The following FSTL4 variants were observed in gnomAD, a reference collection of about 807,000 sequenced individuals.
FSTL4 encodes the protein follistatin like 4, also known as follistatin-related protein 4.
Under a neutral mutation model 78.2 loss-of-function variants are expected in FSTL4, and 28 were observed. That is an observed-to-expected ratio of 0.36 (90% CI 0.27 to 0.49). The LOEUF (loss-of-function observed/expected upper bound fraction) is 0.49. Ranked by LOEUF, FSTL4 falls within the 20% of genes least tolerant of loss-of-function variation. The probability of loss-of-function intolerance (pLI) is 0.98; values close to 1 mark genes in which losing one functional copy is unlikely to be tolerated. For missense variants in FSTL4, 922 were observed against 1,084.9 expected (o/e 0.85, Z 2.11); for synonymous variants, 422 against 440.5 (o/e 0.96, Z 0.53).
the FSTL4 span, among the ~76,000 whole-genome samples, chr5:133,631,025 AC>A: frequency 6.6e-6 from 1 of 152,150 alleles, no homozygotes; most frequent in Admixed American, 6.6e-5. Flanking sequence ...TAAACGTAAA[AC>A]CTAAAACCAT....
At chr5:133,715,761 C>A in the FSTL4 span, among the ~76,000 whole-genome samples, 1 of 152,168 alleles carries the variant, frequency 6.6e-6, no homozygotes, top group Non-Finnish European at 1.5e-5. Context: ...TACTTCACAT[C>A]GTGGAATGCC....
At chr5:133,801,383 A>G in the FSTL4 span, among the ~76,000 whole-genome samples, 4 of 152,292 alleles carry the variant, frequency 2.6e-5, 1 homozygote, top group African/African-American at 7.2e-5. Context: ...CCAGGCCACA[A>G]GCCTTGCCAT....
At chr5:133,410,785 C>G (rs557840116) in intron 3 of FSTL4, among the ~76,000 whole-genome samples, 1 of 152,206 alleles carries the variant, frequency 6.6e-6, no homozygotes, top group African/African-American at 2.4e-5. Context: ...ATTTTCTAAT[C>G]AGGAGCATTT....
intron 4 of FSTL4, among the ~76,000 whole-genome samples, chr5:133,393,899 C>T (rs911980771): frequency 4.6e-5 from 7 of 152,276 alleles, no homozygotes; most frequent in Non-Finnish European, 1.0e-4. Context: ...CAGTGGCACA[C>T]GAGGCCCTTT....
At chr5:133,675,731 C>A in the FSTL4 span, among the ~76,000 whole-genome samples, 1 of 152,256 alleles carries the variant, frequency 6.6e-6, no homozygotes, top group Admixed American at 6.5e-5. Flanking sequence ...TTGTGACCAC[C>A]CTAAATTGAC....
chr5:133,596,179 AG>A (rs1760733830), intron 2 of FSTL4, among the ~76,000 whole-genome samples: 1 of 152,172 alleles, frequency 6.6e-6, no homozygotes, highest in Non-Finnish European at 1.5e-5. Context: ...CCAGCCAAGC[AG>A]GCCACCAGAA....
At chr5:133,773,782 C>G in the FSTL4 span, among the ~76,000 whole-genome samples, 1 of 152,060 alleles carries the variant, frequency 6.6e-6, no homozygotes, top group East Asian at 1.9e-4. Context: ...CACTTTTCTC[C>G]TGACTTTTAA....
intron 3 of FSTL4, among the ~76,000 whole-genome samples, chr5:133,498,718 CAA>C (rs112128780): frequency 1.2e-4 from 15 of 126,874 alleles, no homozygotes; most frequent in Non-Finnish European, 1.4e-4. Context: ...ACTCAGTCTC[CAA>C]AAAAAAAAAA....
chr5:133,676,138 T>C, the FSTL4 span, among the ~76,000 whole-genome samples: 1 of 152,168 alleles, frequency 6.6e-6, no homozygotes, highest in Non-Finnish European at 1.5e-5. Flanking sequence ...CAAAACACAA[T>C]ATGGGGTGGG....
intron 3 of FSTL4, among the ~76,000 whole-genome samples, chr5:133,523,621 A>C (rs1759030492): frequency 6.6e-6 from 1 of 152,136 alleles, no homozygotes; most frequent in South Asian, 2.1e-4. Flanking sequence ...ATGTTTTTAT[A>C]TGTAAAGTGA....
chr5:133,219,128 A>G (rs1052748457), intron 12 of FSTL4, among the ~76,000 whole-genome samples: 26 of 152,212 alleles, frequency 1.7e-4, no homozygotes, highest in African/African-American at 6.0e-4. Flanking sequence ...TGGTGACTCC[A>G]GGGTTCTGTT....
chr5:133,400,668 C>G (rs1161822592), intron 4 of FSTL4, 70 bp downstream of exon 4: 1 of 1,380,674 alleles, frequency 7.2e-7, no homozygotes, highest in African/African-American at 1.4e-5. Flanking sequence ...GCACCCAGGT[C>G]ACTTGTCAAA....
the FSTL4 span, among the ~76,000 whole-genome samples, chr5:133,735,459 T>G: frequency 6.6e-6 from 1 of 152,172 alleles, no homozygotes; most frequent in African/African-American, 2.4e-5. Context: ...CGAGACACCA[T>G]CTAAAAAAAC....
intron 3 of FSTL4, among the ~76,000 whole-genome samples, chr5:133,407,382 A>G (rs1018772703): frequency 6.6e-6 from 1 of 152,248 alleles, no homozygotes; most frequent in Non-Finnish European, 1.5e-5. Context: ...CAGTGACCAC[A>G]GGTGATTTCA....
At chr5:133,737,048 C>T in the FSTL4 span, among the ~76,000 whole-genome samples, 1 of 152,140 alleles carries the variant, frequency 6.6e-6, no homozygotes, top group Non-Finnish European at 1.5e-5. Flanking sequence ...TCCAGCCCCT[C>T]AAGCATTTAT....
rs184250385 is a variant in FSTL4, at chr5:133,329,918, C to G, written c.410-13266G>C. Among the ~76,000 whole-genome samples, 152 of 152,306 alleles carry G rather than the reference C, an allele frequency of 1.0e-3. 1 individual carries two copies. The highest frequency in any genetic ancestry group is 3.6e-3 in the African/African-American group (149 of 41,544). ...CTAATGTGTTACACGACATTCACCC[C>G]CTTTGCCCCGGGTTTGGCAAAGGCA... On this transcript the variant is annotated intron_variant, in intron 4 of 15. Coordinates refer to ENST00000265342, the MANE Select transcript of FSTL4 (RefSeq NM_015082.2).
chr5:133,201,095 C>T (rs1487463891), intron 15 of FSTL4, among the ~76,000 whole-genome samples: 3 of 152,170 alleles, frequency 2.0e-5, no homozygotes, highest in Non-Finnish European at 4.4e-5. Flanking sequence ...GCATCTCCAG[C>T]AACAACTTGC....
chr5:133,382,037 C>T (rs968308201), intron 4 of FSTL4, among the ~76,000 whole-genome samples: 6 of 152,232 alleles, frequency 3.9e-5, no homozygotes, highest in African/African-American at 1.4e-4. Context: ...CTTCACATCC[C>T]CTTCCCCATC....
chr5:133,595,070 TCA>T (rs1361143570), intron 2 of FSTL4, among the ~76,000 whole-genome samples: 1 of 152,248 alleles, frequency 6.6e-6, no homozygotes, highest in Non-Finnish European at 1.5e-5. Context: ...ACTTTACATT[TCA>T]CTCTCTGGAT....
Sources: gnomAD v4.1 joint callset for allele counts (sites outside exome capture counted in the v4.1 genomes callset) on GRCh38, gnomAD v4.1.1 for gene constraint, MANE v1.5 for transcripts, NCBI Gene and HGNC (gene_info 2026-07-23, HGNC 2026-07-21) for gene names.